Variants in FEM1A observed in about 807,000 individuals in gnomAD.
FEM1A encodes the protein protein fem-1 homolog A.
In FEM1A, 1 loss-of-function variant was observed where a neutral mutation model predicts 0.7. The ratio of observed to expected loss-of-function variants is 1.35; its 90% CI spans 0.48 to 6.40. The LOEUF (loss-of-function observed/expected upper bound fraction) is 6.40. Ranked by LOEUF, FEM1A falls within the 30% of genes most tolerant of loss-of-function variation. FEM1A has a pLI of 0.14. For synonymous variants in FEM1A, 391 were observed against 420.6 expected (o/e 0.93, Z 0.86); for missense variants, 721 against 918.7 (o/e 0.78, Z 2.78).
Position 4,791,739 on chromosome 19 carries a change from G to A in FEM1A, c.-116G>A. On this transcript the variant is annotated 5_prime_UTR_variant, in exon 1 of 1. Transcript: ENST00000269856. ...GCAGCCATTTTGTTCCGCCCGAGGA[G>A]ACCCTAAGATGGCGGCGAGGGGGAC... 9.1e-7 allele frequency: 1 copy of A among 1,103,254 alleles called. No homozygotes were observed. Among genetic ancestry groups the A allele is most frequent in the Non-Finnish European group, 1.2e-6 (1 of 818,000 alleles). The allele number at this position is 1,103,254 out of a possible 1,614,324, so 68.3% of individuals were successfully genotyped here. A position where few individuals can be genotyped will look rare whatever the true frequency, so the allele number is the denominator to read the frequency against.
Position 4,791,941 on chromosome 19 carries a change from G to A in FEM1A, c.87G>A (p.Glu29=), listed in dbSNP as rs1435877585. The part of the protein sequence containing the change: ...LQKLLSGRSR[E]ELDELTGEVA... ...AGCTGCTCAGCGGCCGGAGCCGGGA[G>A]GAACTGGACGAGCTGACGGGCGAGG... Residue 29 remains glutamate (E), a synonymous_variant, in exon 1 of 1, where the codon GAG becomes GAA. Transcript: ENST00000269856. 6.5e-6 allele frequency: 10 copies of A among 1,530,498 alleles called. No individual in the cohort carries two copies. Among genetic ancestry groups the A allele is most frequent in the Admixed American group, 5.9e-5 (3 of 50,852 alleles). 94.8% of individuals were successfully genotyped at this position (1,530,498 alleles called of 1,614,324 possible). A position where few individuals can be genotyped will look rare whatever the true frequency, so the allele number is the denominator to read the frequency against.
rs934654626 is a variant in FEM1A at position 4,796,904 on chromosome 19, G to C, written c.*3040G>C. The C allele has an allele frequency of 5.9e-5, 9 of 152,342 alleles. No homozygotes were observed. Among genetic ancestry groups the C allele is most frequent in the Admixed American group, 4.6e-4 (7 of 15,266 alleles). The allele number at this position is 152,342 out of a possible 1,614,324, so 9.4% of individuals were successfully genotyped here. ...TCCCACAGGTGACAGCTGTTGGGCT[G>C]TTGTATGCCTGTTTGGTGTTGCATC... On this transcript the variant is annotated 3_prime_UTR_variant, in exon 1 of 1. Transcript: ENST00000269856.
rs2093559952 is a variant in FEM1A at position 4,795,372 on chromosome 19, G to A, written c.*1508G>A. The A allele has an allele frequency of 1.5e-5, 2 of 131,840 alleles. No individual in the cohort carries two copies. The highest frequency in any genetic ancestry group is 3.4e-5 in the Non-Finnish European group (2 of 58,102). 8.2% of individuals were successfully genotyped at this position (131,840 alleles called of 1,614,324 possible). On this transcript the variant is annotated 3_prime_UTR_variant, in exon 1 of 1. Transcript: ENST00000269856. Reference sequence around the variant, plus strand: ...TGTCCCTGGATGGAAACTAGGTCTCGTTTGGATTTTTTTTTTTTTTTGCCG... The same window carrying A: ...TGTCCCTGGATGGAAACTAGGTCTCATTTGGATTTTTTTTTTTTTTTGCCG...
In FEM1A at chr19:4,799,420, AAAC is replaced by A. The variant is rs1339180203; in HGVS notation, c.*5559_*5561del. On this transcript the variant is annotated 3_prime_UTR_variant, in exon 1 of 1. Coordinates refer to ENST00000269856, the MANE Select transcript of FEM1A (RefSeq NM_018708.3). The stretch of plus-strand genomic sequence containing the variant: ...CAGAGCAAGACTCTGTCTCAAAACA[AAAC>A]AAAACAAACAAACAAACAAACAAAC... 41 of 149,066 alleles carry A rather than the reference AAAC, an allele frequency of 2.8e-4. No individual in the cohort carries two copies. The highest frequency in any genetic ancestry group is 6.2e-4 in the African/African-American group (22 of 35,308). 9.2% of individuals were successfully genotyped at this position (149,066 alleles called of 1,614,324 possible).
At position 4,794,188 on chromosome 19, in the gene FEM1A, AG is replaced by A. The variant is rs1450773858; in HGVS notation, c.*327del. ...CCTTTGCCTTGTTACCTAGAGGCGG[AG>A]GGACTGAAGCCATTGCGTTCCTTCC... On this transcript the variant is annotated 3_prime_UTR_variant, in exon 1 of 1. Coordinates refer to ENST00000269856, the MANE Select transcript of FEM1A (RefSeq NM_018708.3). The A allele has an allele frequency of 2.9e-6, 1 of 342,308 alleles. No individual in the cohort carries two copies. The highest frequency in any genetic ancestry group is 5.8e-6 in the Non-Finnish European group (1 of 172,856). The allele number at this position is 342,308 out of a possible 1,614,324, so 21.2% of individuals were successfully genotyped here.
At position 4,793,642 on chromosome 19, in the gene FEM1A, C is replaced by G. The variant is rs777786702; in HGVS notation, c.1788C>G (p.Ile596Met). The part of the protein sequence containing the change: ...HIAAQNNCPA[I>M]MNALIEAGAH... ...CAGCCCAGAACAACTGCCCGGCCAT[C>G]ATGAATGCCCTGATCGAAGCAGGGG... is the stretch of plus-strand genomic sequence containing the variant. Residue 596 changes from isoleucine to methionine, a missense_variant, in exon 1 of 1, where the codon ATC becomes ATG. By Grantham distance (10) the Ile-to-Met change is conservative. Coordinates refer to ENST00000269856, the MANE Select transcript of FEM1A (RefSeq NM_018708.3). The surrounding 1 kb of genome is among the most constrained non-coding windows in gnomAD (Gnocchi z 5.1). The G allele has an allele frequency of 1.9e-6, 3 of 1,612,848 alleles. No homozygotes were observed. The African/African-American group carries it at 4.0e-5, about 22-fold the overall frequency.
rs532168372 is a variant in FEM1A, at chr19:4,797,046, G to A, written c.*3182G>A. 7.9e-5 allele frequency: 12 copies of A among 151,928 alleles called. No homozygotes were observed. Among genetic ancestry groups the A allele is most frequent in the African/African-American group, 2.4e-4 (10 of 41,414 alleles). The allele number at this position is 151,928 out of a possible 1,614,324, so 9.4% of individuals were successfully genotyped here. ...CAGGCACCATTTTCTGTGGTTAAAT[G>A]CACTGCCTGTTTACACAACAGCCCT... On this transcript the variant is annotated 3_prime_UTR_variant, in exon 1 of 1. Coordinates refer to ENST00000269856, the MANE Select transcript of FEM1A (RefSeq NM_018708.3).
Position 4,801,269 on chromosome 19 carries a change from T to G in FEM1A, c.*7405T>G, listed in dbSNP as rs1340339403. The G allele has an allele frequency of 2.0e-5, 3 of 152,132 alleles. No individual in the cohort carries two copies. Among genetic ancestry groups the G allele is most frequent in the African/African-American group, 7.2e-5 (3 of 41,418 alleles). The allele number at this position is 152,132 out of a possible 1,614,324, so 9.4% of individuals were successfully genotyped here. ...ATGTCGATTAAAGCAATGATCTTGA[T>G]CCAATGTCATCTCCTCCATGAAGTC... On this transcript the variant is annotated 3_prime_UTR_variant, in exon 1 of 1. Transcript: ENST00000269856.
In FEM1A at chr19:4,792,783, A is replaced by C; in HGVS notation, c.929A>C (p.Asp310Ala). ...ALELLGATYV[D>A]KKRDLLGALK... The stretch of plus-strand genomic sequence containing the variant: ...GAATTGCTGGGAGCTACGTATGTGG[A>C]TAAGAAACGAGATCTGCTTGGGGCC... Residue 310 changes from aspartate (D) to alanine (A), a missense_variant, in exon 1 of 1, where the codon GAT becomes GCT. By Grantham distance (126) the Asp-to-Ala change is moderately radical. This residue lies in a region of FEM1A where 137 missense variants were observed against 121.7 expected (regional missense o/e 1.13). Coordinates refer to ENST00000269856, the MANE Select transcript of FEM1A (RefSeq NM_018708.3). This position sits in a 1 kb window ranked among gnomAD's most constrained non-coding sequence, Gnocchi z 6.7. The C allele has an allele frequency of 6.2e-7, 1 of 1,612,138 alleles. No homozygotes were observed.
Position 4,792,799 on chromosome 19 carries a change from G to C in FEM1A, c.945G>C (p.Leu315=). The change falls in exon 1 of 1, where the codon CTG becomes CTC. Residue 315 remains leucine, a synonymous_variant. Coordinates refer to ENST00000269856, the MANE Select transcript of FEM1A (RefSeq NM_018708.3). This position sits in a 1 kb window ranked among gnomAD's most constrained non-coding sequence, Gnocchi z 6.7. ...GATYVDKKRD[L]LGALKHWRRA... Reference sequence around the variant, plus strand: ...CGTATGTGGATAAGAAACGAGATCTGCTTGGGGCCCTTAAACACTGGAGGC... The same window carrying C: ...CGTATGTGGATAAGAAACGAGATCTCCTTGGGGCCCTTAAACACTGGAGGC... The C allele has an allele frequency of 1.2e-6, 2 of 1,612,230 alleles. No homozygotes were observed. Among genetic ancestry groups the C allele is most frequent in the Non-Finnish European group, 1.7e-6 (2 of 1,180,024 alleles).
chr19:4,792,437 A>G lies in FEM1A; in HGVS notation c.583A>G (p.Ser195Gly), dbSNP rs1255801725. ...TALHDCAESGSLEILQLLLGC... is the reference protein window; with the variant it reads ...TALHDCAESGGLEILQLLLGC... ...CCTGCATGACTGCGCCGAGTCCGGC[A>G]GCCTGGAGATCCTGCAGCTGCTGCT... is the stretch of plus-strand genomic sequence containing the variant. Residue 195 changes from serine (S) to glycine (G), a missense_variant, in exon 1 of 1, where the codon AGC becomes GGC. Ser to Gly is a moderately conservative substitution (Grantham distance 56). Around this residue, in one of 4 missense-constraint regions of FEM1A, gnomAD observed 195 missense variants for 316.9 expected, o/e 0.62. Coordinates refer to ENST00000269856, the MANE Select transcript of FEM1A (RefSeq NM_018708.3). The surrounding 1 kb of genome is among the most constrained non-coding windows in gnomAD (Gnocchi z 6.7). 2 of 1,596,340 alleles carry G rather than the reference A, an allele frequency of 1.3e-6. No individual in the cohort carries two copies. The highest frequency in any genetic ancestry group is 1.1e-5 in the South Asian group (1 of 90,962).
At position 4,799,918 on chromosome 19, in the gene FEM1A, A is replaced by ATAAATAAAAAT. The variant is rs1308604461; in HGVS notation, c.*6054_*6055insTAAATAAAAAT. ...AGACTCTGTCTCAAAAAAAAAAAAA[A>ATAAATAAAAAT]AAAAAAAAAAAAAAATGGGGCCATC... On this transcript the variant is annotated 3_prime_UTR_variant, in exon 1 of 1. Coordinates refer to ENST00000269856, the MANE Select transcript of FEM1A (RefSeq NM_018708.3). The ATAAATAAAAAT allele has an allele frequency of 6.9e-6, 1 of 145,006 alleles. No individual in the cohort carries two copies. Among genetic ancestry groups the ATAAATAAAAAT allele is most frequent in the African/African-American group, 2.5e-5 (1 of 39,344 alleles). 9.0% of individuals were successfully genotyped at this position (145,006 alleles called of 1,614,324 possible).
Position 4,794,931 on chromosome 19 carries a change from C to T in FEM1A, c.*1067C>T, listed in dbSNP as rs1470627653. On this transcript the variant is annotated 3_prime_UTR_variant, in exon 1 of 1. Transcript: ENST00000269856. Reference sequence around the variant, plus strand: ...GAGTTAAAACTGCAGGCCACTCTGCCTTGCAGTGGCCTCTGATTTCATTGT... The same window carrying T: ...GAGTTAAAACTGCAGGCCACTCTGCTTTGCAGTGGCCTCTGATTTCATTGT... The T allele has an allele frequency of 9.2e-6, 1 of 108,420 alleles. No homozygotes were observed. Among genetic ancestry groups the T allele is most frequent in the Admixed American group, 1.0e-4 (1 of 9,792 alleles). The allele number at this position is 108,420 out of a possible 1,614,324, so 6.7% of individuals were successfully genotyped here.
In FEM1A at chr19:4,792,346, G is replaced by A. The variant is rs1015433843; in HGVS notation, c.492G>A (p.Glu164=). The change falls in exon 1 of 1, where the codon GAG becomes GAA. Residue 164 remains glutamate, a synonymous_variant. Transcript: ENST00000269856. This position sits in a 1 kb window ranked among gnomAD's most constrained non-coding sequence, Gnocchi z 6.7. ...LMISCYKGHR[E]IARYLLEQGA... ...TCTCGTGCTACAAGGGCCACCGTGAGATCGCCCGCTACCTGCTGGAGCAGG... is the reference window on the plus strand; with the variant it reads ...TCTCGTGCTACAAGGGCCACCGTGAAATCGCCCGCTACCTGCTGGAGCAGG... 5 of 1,594,462 alleles carry A rather than the reference G, an allele frequency of 3.1e-6. No homozygotes were observed. Among genetic ancestry groups the A allele is most frequent in the Non-Finnish European group, 4.2e-6 (5 of 1,178,924 alleles).
At position 4,800,581 on chromosome 19, in the gene FEM1A, C is replaced by A. The variant is rs1009839171; in HGVS notation, c.*6717C>A. The A allele has an allele frequency of 6.6e-6, 1 of 152,334 alleles. No individual in the cohort carries two copies. The highest frequency in any genetic ancestry group is 1.5e-5 in the Non-Finnish European group (1 of 68,134). The allele number at this position is 152,334 out of a possible 1,614,324, so 9.4% of individuals were successfully genotyped here. A position where few individuals can be genotyped will look rare whatever the true frequency, so the allele number is the denominator to read the frequency against. On this transcript the variant is annotated 3_prime_UTR_variant, in exon 1 of 1. Coordinates refer to ENST00000269856, the MANE Select transcript of FEM1A (RefSeq NM_018708.3). The stretch of plus-strand genomic sequence containing the variant: ...AGCACCCACGCCAGGGTCTGTCCCA[C>A]GCCAGGTGGCCTGTAAATATGGGCT...
Position 4,800,487 on chromosome 19 carries a change from C to G in FEM1A, c.*6623C>G, listed in dbSNP as rs1208328059. On this transcript the variant is annotated 3_prime_UTR_variant, in exon 1 of 1. Coordinates refer to ENST00000269856, the MANE Select transcript of FEM1A (RefSeq NM_018708.3). Reference sequence around the variant, plus strand: ...CGGGACCTGGAGTTCTGCTCATTCGCTCATCTACTCAGTGACTTTCTTAGA... The same window carrying G: ...CGGGACCTGGAGTTCTGCTCATTCGGTCATCTACTCAGTGACTTTCTTAGA... The G allele has an allele frequency of 6.6e-6, 1 of 152,282 alleles. No homozygotes were observed. The highest frequency in any genetic ancestry group is 1.5e-5 in the Non-Finnish European group (1 of 68,088). 9.4% of individuals were successfully genotyped at this position (152,282 alleles called of 1,614,324 possible). A position where few individuals can be genotyped will look rare whatever the true frequency, so the allele number is the denominator to read the frequency against.
chr19:4,793,547 A>G lies in FEM1A; in HGVS notation c.1693A>G (p.Lys565Glu). Residue 565 changes from lysine (K) to glutamate (E), a missense_variant, in exon 1 of 1, where the codon AAA becomes GAA. Physicochemically the swap from Lys to Glu is moderately conservative, Grantham distance 56. Transcript: ENST00000269856. This position sits in a 1 kb window ranked among gnomAD's most constrained non-coding sequence, Gnocchi z 5.1. Reference sequence around the variant, plus strand: ...CAGATTCCCCTCCCTGCACGTGGTCAAAGTGCTGCTCGACTGCGGGGCCGA... The same window carrying G: ...CAGATTCCCCTCCCTGCACGTGGTCGAAGTGCTGCTCGACTGCGGGGCCGA... ...VGRFPSLHVV[K>E]VLLDCGADPD... 6.2e-7 allele frequency: 1 copy of G among 1,613,048 alleles called. No individual in the cohort carries two copies. The highest frequency in any genetic ancestry group is 8.5e-7 in the Non-Finnish European group (1 of 1,179,840).
chr19:4,796,638 C>G lies in FEM1A; in HGVS notation c.*2774C>G, dbSNP rs994512161. The G allele has an allele frequency of 1.3e-5, 2 of 152,258 alleles. No individual in the cohort carries two copies. The highest frequency in any genetic ancestry group is 1.5e-5 in the Non-Finnish European group (1 of 68,094). The allele number at this position is 152,258 out of a possible 1,614,324, so 9.4% of individuals were successfully genotyped here. A position where few individuals can be genotyped will look rare whatever the true frequency, so the allele number is the denominator to read the frequency against. On this transcript the variant is annotated 3_prime_UTR_variant, in exon 1 of 1. Coordinates refer to ENST00000269856, the MANE Select transcript of FEM1A (RefSeq NM_018708.3). ...GCTGGGTCCATGGGATTTTGCTGAGCCCCTGCCATGTGCCAGGCAGGTTTC... is the reference window on the plus strand; with the variant it reads ...GCTGGGTCCATGGGATTTTGCTGAGGCCCTGCCATGTGCCAGGCAGGTTTC...
Position 4,791,765 on chromosome 19 carries a change from G to T in FEM1A, c.-90G>T, listed in dbSNP as rs903617563. 1 of 1,298,230 alleles carries T rather than the reference G, an allele frequency of 7.7e-7. No homozygotes were observed. Among genetic ancestry groups the T allele is most frequent in the African/African-American group, 1.6e-5 (1 of 63,848 alleles). 80.4% of individuals were successfully genotyped at this position (1,298,230 alleles called of 1,614,324 possible). A position where few individuals can be genotyped will look rare whatever the true frequency, so the allele number is the denominator to read the frequency against. On this transcript the variant is annotated 5_prime_UTR_variant, in exon 1 of 1. Coordinates refer to ENST00000269856, the MANE Select transcript of FEM1A (RefSeq NM_018708.3). Reference sequence around the variant, plus strand: ...ACCCTAAGATGGCGGCGAGGGGGACGGTGAAGGTTGCCTCCCGCCCGTCCG... The same window carrying T: ...ACCCTAAGATGGCGGCGAGGGGGACTGTGAAGGTTGCCTCCCGCCCGTCCG...
Sources: gnomAD v4.1 joint callset for allele counts on GRCh38, gnomAD v4.1.1 for gene constraint, gnomAD v4.1.1 regional missense constraint, Gnocchi (gnomAD v3.1) non-coding constraint, MANE v1.5 for transcripts, NCBI Gene and HGNC (gene_info 2026-07-23, HGNC 2026-07-21) for gene names.